DOCK4: variants seen among roughly 807,000 people sequenced by gnomAD.
The protein encoded by DOCK4 is dedicator of cytokinesis 4.
A neutral mutation model predicts 268.1 loss-of-function variants in DOCK4; 97 were observed. That is an observed-to-expected ratio of 0.36 (90% CI 0.31 to 0.43). The LOEUF (loss-of-function observed/expected upper bound fraction) is 0.43. Ranked by LOEUF, DOCK4 falls within the 20% of genes least tolerant of loss-of-function variation. The pLI, the probability that DOCK4 is intolerant of heterozygous loss-of-function variation, is 1.00. For synonymous variants in DOCK4, 954 were observed against 887.2 expected (o/e 1.08, Z -1.34); for missense variants, 2,145 against 2,455.7 (o/e 0.87, Z 2.67).
intron 13 of DOCK4, among the ~76,000 whole-genome samples, chr7:111,909,782 G>A (rs61132050): frequency 0.027 from 4,069 of 151,842 alleles, 197 homozygotes; most frequent in African/African-American, 0.093. Flanking sequence ...GGCAACATAG[G>A]GAGATCTGAT....
At chr7:112,030,317 T>C (rs1381377652) in intron 1 of DOCK4, among the ~76,000 whole-genome samples, 2 of 152,228 alleles carry the variant, frequency 1.3e-5, no homozygotes, top group Non-Finnish European at 2.9e-5. Context: ...TACATTCAAC[T>C]GTACAAACAA....
At chr7:111,813,039 A>G (rs1801256478) in intron 27 of DOCK4, among the ~76,000 whole-genome samples, 1 of 152,254 alleles carries the variant, frequency 6.6e-6, no homozygotes. Context: ...AAAGTTGAAC[A>G]TATTTCCAAT....
chr7:112,074,549 G>T (rs760412319), intron 1 of DOCK4, among the ~76,000 whole-genome samples: 1 of 152,106 alleles, frequency 6.6e-6, no homozygotes, highest in Non-Finnish European at 1.5e-5. Context: ...GGATACTAGT[G>T]GGGGACTGCA....
intron 36 of DOCK4, among the ~76,000 whole-genome samples, chr7:111,776,630 T>A (rs1306913633): frequency 1.3e-5 from 2 of 152,084 alleles, no homozygotes; most frequent in Non-Finnish European, 2.9e-5. Context: ...TTTAAGGAAA[T>A]AATGCTTGGA....
In DOCK4 at chr7:111,933,089, CGT is replaced by C. The variant is rs1242789341; in HGVS notation, c.1066+2449_1066+2450del. On this transcript the variant is annotated intron_variant, in intron 12 of 52. Transcript: ENST00000428084. Reference sequence around the variant, plus strand: ...ATACATATATATACACATATATATACGTATATACACATATATATACGTATATA... The same window carrying C: ...ATACATATATATACACATATATATACATATACACATATATATACGTATATA... Among the ~76,000 whole-genome samples the C allele has an allele frequency of 1.3e-3, 180 of 135,164 alleles. 5 individuals carry two copies. Among genetic ancestry groups the C allele is most frequent in the African/African-American group, 5.0e-3 (174 of 35,056 alleles). The allele number at this position is 135,164 out of a possible 152,430, so 88.7% of individuals were successfully genotyped here. A position where few individuals can be genotyped will look rare whatever the true frequency, so the allele number is the denominator to read the frequency against.
Position 111,869,602 on chromosome 7 carries a change from C to T in DOCK4, c.2081G>A (p.Arg694Gln), listed in dbSNP as rs367626411. 3.3e-5 allele frequency: 53 copies of T among 1,613,350 alleles called. No individual in the cohort carries two copies. The African/African-American group carries it at 5.2e-4, about 16-fold the overall frequency. ...WYVDRITEAE[R>Q]QEHIQEVLKA... is the part of the protein sequence containing the mutation. ...CAGCACCTCCTGGATATGCTCTTGCCGCTCTGCTTCTGTGATCCGGTCCAC... is the reference window on the plus strand; with the variant it reads ...CAGCACCTCCTGGATATGCTCTTGCTGCTCTGCTTCTGTGATCCGGTCCAC... Residue 694 changes from arginine to glutamine, a missense_variant, in exon 21 of 53, where the codon CGG becomes CAG. Arg to Gln is a conservative substitution (Grantham distance 43). Coordinates refer to ENST00000428084, the MANE Select transcript of DOCK4 (RefSeq NM_001363540.2).
At chr7:112,022,574 C>T (rs544823328) in intron 1 of DOCK4, among the ~76,000 whole-genome samples, 4 of 152,296 alleles carry the variant, frequency 2.6e-5, no homozygotes, top group African/African-American at 9.6e-5. Flanking sequence ...CCGTGCTGTG[C>T]TTCAGTTTCC....
chr7:111,832,431 G>A (rs1396876464), intron 26 of DOCK4, among the ~76,000 whole-genome samples: 1 of 152,184 alleles, frequency 6.6e-6, no homozygotes, highest in Non-Finnish European at 1.5e-5. Context: ...CTAGTGCGTG[G>A]TGCACAGTGC....
intron 1 of DOCK4, among the ~76,000 whole-genome samples, chr7:112,167,916 T>C (rs1817742263): frequency 6.6e-6 from 1 of 152,154 alleles, no homozygotes. Context: ...TACCTCTAAA[T>C]AACAATTGTC....
At chr7:112,022,912 C>T (rs1024187489) in intron 1 of DOCK4, among the ~76,000 whole-genome samples, 3 of 152,004 alleles carry the variant, frequency 2.0e-5, no homozygotes, top group Admixed American at 6.6e-5. Context: ...CAAAGAGGAG[C>T]CTTTTCTTCT....
Position 111,728,309 on chromosome 7 carries a change from G to A in DOCK4, c.5893C>T (p.Pro1965Ser). Residue 1965 changes from proline (P) to serine (S), a missense_variant, in exon 53 of 53, where the codon CCC becomes TCC. Physicochemically the swap from Pro to Ser is moderately conservative, Grantham distance 74. Around this residue, in one of 2 missense-constraint regions of DOCK4, gnomAD observed 547 missense variants for 469.0 expected, o/e 1.17. Coordinates refer to ENST00000428084, the MANE Select transcript of DOCK4 (RefSeq NM_001363540.2). ...GARRTDPGPRPRPLPRKVSQL is the reference protein window; with the variant it reads ...GARRTDPGPRSRPLPRKVSQL ...GAGACCTTGCGGGGCAGGGGCCTGGGCCGCGGGCCGGGGTCAGTCCTCCGG... is the reference window on the plus strand; with the variant it reads ...GAGACCTTGCGGGGCAGGGGCCTGGACCGCGGGCCGGGGTCAGTCCTCCGG... The A allele has an allele frequency of 6.6e-7, 1 of 1,509,750 alleles. No homozygotes were observed. Among genetic ancestry groups the A allele is most frequent in the Non-Finnish European group, 8.8e-7 (1 of 1,130,212 alleles). 93.5% of individuals were successfully genotyped at this position (1,509,750 alleles called of 1,614,324 possible).
intron 1 of DOCK4, among the ~76,000 whole-genome samples, chr7:112,123,864 G>T (rs1221031191): frequency 6.6e-6 from 1 of 152,100 alleles, no homozygotes; most frequent in Non-Finnish European, 1.5e-5. Flanking sequence ...TTAACAGACA[G>T]AATCTATCCA....
chr7:111,741,255 A>C, intron 46 of DOCK4, 41 bp from the exon 47 acceptor site: 1 of 1,609,986 alleles, frequency 6.2e-7, no homozygotes, highest in East Asian at 2.2e-5. Flanking sequence ...CTCAGTCTCC[A>C]AATTGTACTT....
intron 16 of DOCK4, among the ~76,000 whole-genome samples, chr7:111,885,543 T>C (rs1015840671): frequency 4.6e-5 from 7 of 152,070 alleles, no homozygotes; most frequent in Non-Finnish European, 1.0e-4. Flanking sequence ...GGCAGATGGA[T>C]GAGGGAAGAA....
intron 16 of DOCK4, among the ~76,000 whole-genome samples, chr7:111,883,307 G>A (rs968129206): frequency 3.3e-5 from 5 of 152,064 alleles, no homozygotes; most frequent in African/African-American, 4.8e-5. Context: ...GGTCTATAGT[G>A]TTGGAAACAT....
At chr7:112,189,579 A>C (rs1313907539) in intron 1 of DOCK4, among the ~76,000 whole-genome samples, 1 of 152,132 alleles carries the variant, frequency 6.6e-6, no homozygotes, top group Non-Finnish European at 1.5e-5. Context: ...TAACATGTAC[A>C]TTTTCACTAT....
rs535999420 is a variant in DOCK4 at position 112,176,931 on chromosome 7, T to G, written c.37+29171A>C. On this transcript the variant is annotated intron_variant, in intron 1 of 52. Transcript: ENST00000428084. ...ATGTGAGAAGCCTTACCTACCATTT[T>G]CAAGATCTTGGCCATGGTGTCCTTT... Among the ~76,000 whole-genome samples, 55 of 152,348 alleles carry G rather than the reference T, an allele frequency of 3.6e-4. 2 individuals are homozygous for G. In the South Asian group the frequency reaches 8.9e-3, roughly 25 times the overall value.
intron 49 of DOCK4, among the ~76,000 whole-genome samples, chr7:111,737,581 T>A (rs1199297579): frequency 6.6e-6 from 1 of 152,238 alleles, no homozygotes; most frequent in East Asian, 1.9e-4. Flanking sequence ...ATATATGAAA[T>A]AATTGATAGT....
chr7:112,058,991 T>C (rs1680914209), intron 1 of DOCK4, among the ~76,000 whole-genome samples: 1 of 152,180 alleles, frequency 6.6e-6, no homozygotes, highest in Middle Eastern at 3.2e-3. Flanking sequence ...GGCTTCCTAG[T>C]GCAAGCTGAC....
Sources: gnomAD v4.1 joint callset for allele counts (sites outside exome capture counted in the v4.1 genomes callset) on GRCh38, gnomAD v4.1.1 for gene constraint, gnomAD v4.1.1 regional missense constraint, MANE v1.5 for transcripts, NCBI Gene and HGNC (gene_info 2026-07-23, HGNC 2026-07-21) for gene names.